UGT1A6: variants seen among roughly 807,000 people sequenced by gnomAD.
UGT1A6 encodes UDP-glucuronosyltransferase 1A6.
Under a neutral mutation model 44.4 loss-of-function variants are expected in UGT1A6, and 32 were observed. That is an observed-to-expected ratio of 0.72 (90% CI 0.54 to 0.97). The LOEUF (loss-of-function observed/expected upper bound fraction) is 0.97, where lower values mean the gene tolerates loss of function less well. Among genes scored for constraint, UGT1A6 ranks in the 50% least tolerant of loss-of-function variants. The pLI, the probability that UGT1A6 is intolerant of heterozygous loss-of-function variation, is 0.00. For synonymous variants in UGT1A6, 238 were observed against 248.5 expected (o/e 0.96, Z 0.40); for missense variants, 685 against 661.9 (o/e 1.03, Z -0.38).
At chr2:233,710,108 C>T (rs991236608) in intron 1 of UGT1A6, among the ~76,000 whole-genome samples, 4 of 152,152 alleles carry the variant, frequency 2.6e-5, no homozygotes, top group Non-Finnish European at 4.4e-5. Flanking sequence ...ATATTTCATT[C>T]GTTTCTATTT....
At chr2:233,743,661 G>C in intron 1 of UGT1A6, 1 of 1,367,236 alleles carries the variant, frequency 7.3e-7, no homozygotes, top group Non-Finnish European at 9.8e-7. Flanking sequence ...TACTCGAAGG[G>C]GTCCTCGAAG....
At position 233,767,859 on chromosome 2, in the gene UGT1A6, G is replaced by A. The variant is rs750453538; in HGVS notation, c.1004G>A (p.Arg335Gln). ...LGKIPQTVLW[R>Q]YTGTRPSNLA... The stretch of plus-strand genomic sequence containing the variant: ...TTTTGCCCCTCCCAGGTCCTGTGGC[G>A]GTACACTGGAACCCGACCATCGAAT... The change falls in exon 3 of 5, where the codon CGG becomes CAG. Residue 335 changes from arginine to glutamine, a missense_variant. Arg to Gln is a conservative substitution (Grantham distance 43). Transcript: ENST00000305139. 15 of 1,613,938 alleles carry A rather than the reference G, an allele frequency of 9.3e-6. No homozygotes were observed. The highest frequency in any genetic ancestry group is 5.3e-5 in the African/African-American group (4 of 74,850).
chr2:233,757,312 G>T (rs1288195448), intron 1 of UGT1A6, among the ~76,000 whole-genome samples: 1 of 141,202 alleles, frequency 7.1e-6, no homozygotes, highest in Non-Finnish European at 1.5e-5. Flanking sequence ...GGACAGGGGG[G>T]CTGGGGCCCT....
chr2:233,761,251 A>C, intron 1 of UGT1A6: 1 of 1,608,190 alleles, frequency 6.2e-7, no homozygotes. Flanking sequence ...AAGCATTCTG[A>C]GATAATTTAA....
intron 1 of UGT1A6, among the ~76,000 whole-genome samples, chr2:233,735,346 T>C (rs559111340): frequency 6.6e-6 from 1 of 152,212 alleles, no homozygotes; most frequent in Non-Finnish European, 1.5e-5. Flanking sequence ...GCTTTTTTTT[T>C]GCTTTCCATT....
intron 1 of UGT1A6, among the ~76,000 whole-genome samples, chr2:233,745,902 G>A (rs961529996): frequency 3.3e-5 from 5 of 151,560 alleles, no homozygotes; most frequent in Non-Finnish European, 7.4e-5. Flanking sequence ...CGTTTTTCAG[G>A]GAGCAGCTGA....
chr2:233,763,945 G>T (rs1405755046), intron 1 of UGT1A6, among the ~76,000 whole-genome samples: 1 of 152,190 alleles, frequency 6.6e-6, no homozygotes, highest in South Asian at 2.1e-4. Context: ...GGAAAGCTTG[G>T]GAGCAGGGAA....
chr2:233,722,566 G>A (rs901908747), intron 1 of UGT1A6, among the ~76,000 whole-genome samples: 44 of 152,258 alleles, frequency 2.9e-4, no homozygotes, highest in Non-Finnish European at 5.7e-4. Flanking sequence ...ATTTGTAGCT[G>A]CTTTTGCAAC....
chr2:233,693,768 T>C lies in UGT1A6; in HGVS notation c.764T>C (p.Leu255Ser). The change falls in exon 1 of 5, where the codon TTA (leucine) becomes TCA (serine). Residue 255 changes from leucine to serine, a missense_variant. Leu to Ser is a moderately radical substitution (Grantham distance 145). Coordinates refer to ENST00000305139, the MANE Select transcript of UGT1A6 (RefSeq NM_001072.4). ...TLYQKVSVWL[L>S]RYDFVLEYPR... ...TATCAGAAGGTCTCTGTTTGGCTGT[T>C]AAGATATGACTTTGTGCTTGAATAT... The C allele has an allele frequency of 1.9e-6, 3 of 1,614,198 alleles. No homozygotes were observed. Among genetic ancestry groups the C allele is most frequent in the Non-Finnish European group, 2.5e-6 (3 of 1,179,982 alleles).
intron 1 of UGT1A6, among the ~76,000 whole-genome samples, chr2:233,705,743 C>T (rs377625119): frequency 6.6e-6 from 1 of 152,104 alleles, no homozygotes; most frequent in East Asian, 1.9e-4. Flanking sequence ...GCAGGTAGGT[C>T]GGTAACAGAT....
intron 1 of UGT1A6, chr2:233,747,822 C>T (rs1361602523): frequency 6.2e-7 from 1 of 1,613,368 alleles, no homozygotes; most frequent in Non-Finnish European, 8.5e-7. Context: ...CAATTCAGAC[C>T]ACATGACATT....
chr2:233,748,945 A>T (rs1040839145), intron 1 of UGT1A6, among the ~76,000 whole-genome samples: 1 of 151,666 alleles, frequency 6.6e-6, no homozygotes, highest in Non-Finnish European at 1.5e-5. Context: ...AACCCACCCT[A>T]TCCCACTCCA....
At chr2:233,761,302 C>T (rs1697737544) in intron 1 of UGT1A6, 1 of 1,473,836 alleles carries the variant, frequency 6.8e-7, no homozygotes, top group Non-Finnish European at 9.2e-7. Context: ...AGGTTTGAGT[C>T]TGTCTTTGGC....
At chr2:233,738,547 G>T (rs1209764817) in intron 1 of UGT1A6, among the ~76,000 whole-genome samples, 1 of 152,216 alleles carries the variant, frequency 6.6e-6, no homozygotes, top group African/African-American at 2.4e-5. Context: ...CTGAGTCTCA[G>T]ATAGAGATGA....
At chr2:233,744,722 C>T (rs1486677492) in intron 1 of UGT1A6, among the ~76,000 whole-genome samples, 9 of 151,828 alleles carry the variant, frequency 5.9e-5, no homozygotes, top group Non-Finnish European at 1.2e-4. Flanking sequence ...GAGAGAATGA[C>T]GGTGAAAAAA....
At chr2:233,732,276 G>C (rs1167500055) in intron 1 of UGT1A6, among the ~76,000 whole-genome samples, 35 of 152,142 alleles carry the variant, frequency 2.3e-4, no homozygotes, top group Non-Finnish European at 4.6e-4. Context: ...TTTTGCTGTG[G>C]AGAAGCTCTT....
In UGT1A6 at chr2:233,769,769, T is replaced by A. The variant is rs979940706; in HGVS notation, c.1301+1330T>A. 1.4e-6 allele frequency: 2 copies of A among 1,395,436 alleles called. No individual in the cohort carries two copies. Among genetic ancestry groups the A allele is most frequent in the Non-Finnish European group, 1.9e-6 (2 of 1,067,626 alleles). The allele number at this position is 1,395,436 out of a possible 1,614,324, so 86.4% of individuals were successfully genotyped here. ...ACTCTGGAGGCTAAGGCGGGAGGAT[T>A]GCTTGAGCCCAGAAGTTGGAGGCTG... is the stretch of plus-strand genomic sequence containing the variant. On this transcript the variant is annotated intron_variant, in intron 4 of 4. Transcript: ENST00000305139. This position sits in a 1 kb window ranked among gnomAD's most constrained non-coding sequence, Gnocchi z 4.4.
intron 1 of UGT1A6, among the ~76,000 whole-genome samples, chr2:233,710,292 TGTTGG>T (rs2076124594): frequency 6.6e-6 from 1 of 152,204 alleles, no homozygotes; most frequent in African/African-American, 2.4e-5. Context: ...AAAGTGGGAT[TGTTGG>T]GTTGCATGGT....
At chr2:233,719,005 C>A in intron 1 of UGT1A6, 1 of 1,614,252 alleles carries the variant, frequency 6.2e-7, no homozygotes, top group Non-Finnish European at 8.5e-7. Context: ...GTGGTCCTCA[C>A]CCCAGAGGTG....
Sources: gnomAD v4.1 joint callset for allele counts (sites outside exome capture counted in the v4.1 genomes callset) on GRCh38, gnomAD v4.1.1 for gene constraint, Gnocchi (gnomAD v3.1) non-coding constraint, MANE v1.5 for transcripts, NCBI Gene and HGNC (gene_info 2026-07-23, HGNC 2026-07-21) for gene names.